Variants in MEF2C observed in about 807,000 individuals in gnomAD.
MEF2C encodes myocyte-specific enhancer factor 2C.
A neutral mutation model predicts 50.5 loss-of-function variants in MEF2C; 6 were observed. The observed-to-expected ratio is 0.12, with a 90% CI of 0.07 to 0.23. MEF2C has a LOEUF of 0.23. Ranked by LOEUF, MEF2C falls within the 10% of genes least tolerant of loss-of-function variation. The pLI is 1.00. For synonymous variants in MEF2C, 183 were observed against 228.0 expected, an observed-to-expected ratio of 0.80 and a Z score of 1.78; for missense variants, 276 against 605.0, an observed-to-expected ratio of 0.46 and a Z score of 5.70.
intron 1 of MEF2C, among the ~76,000 whole-genome samples, chr5:88,880,390 T>C (rs756360717): frequency 4.6e-5 from 7 of 152,268 alleles, no homozygotes; most frequent in Admixed American, 3.3e-4. Flanking sequence ...ATGTCTTTGT[T>C]GTTATGTAGC....
At chr5:88,892,473 C>T (rs2150243896) in intron 1 of MEF2C, among the ~76,000 whole-genome samples, 1 of 152,256 alleles carries the variant, frequency 6.6e-6, no homozygotes, top group South Asian at 2.1e-4. Flanking sequence ...AAAGAATTTC[C>T]ACTTCTATAC....
At chr5:88,820,910 T>C (rs962246584) in intron 2 of MEF2C, among the ~76,000 whole-genome samples, 9 of 151,972 alleles carry the variant, frequency 5.9e-5, no homozygotes, top group Non-Finnish European at 8.8e-5. Flanking sequence ...TGTAAGATGT[T>C]TGAAATTGTC....
At chr5:88,845,194 G>A (rs577168796) in intron 1 of MEF2C, among the ~76,000 whole-genome samples, 2 of 152,296 alleles carry the variant, frequency 1.3e-5, no homozygotes, top group South Asian at 2.1e-4. Context: ...ACGCTTAACT[G>A]CAACTGTCAT....
chr5:88,761,133 G>C, intron 4 of MEF2C, 52 bp downstream of exon 4: 1 of 1,613,952 alleles, frequency 6.2e-7, no homozygotes, highest in Non-Finnish European at 8.5e-7. Flanking sequence ...TGCCTGCCAG[G>C]TTCAGAGAAA....
At chr5:88,893,315 T>C (rs1481299611) in intron 1 of MEF2C, among the ~76,000 whole-genome samples, 3 of 123,570 alleles carry the variant, frequency 2.4e-5, no homozygotes, top group Non-Finnish European at 5.5e-5. Context: ...TTTTTCTTTC[T>C]TTTCTTTTTT....
intron 3 of MEF2C, among the ~76,000 whole-genome samples, chr5:88,785,906 G>A (rs1790630246): frequency 6.6e-6 from 1 of 152,070 alleles, no homozygotes; most frequent in Non-Finnish European, 1.5e-5. Flanking sequence ...GAGAGAGTCG[G>A]GCCTGTGGTT....
chr5:88,857,898 A>C (rs1219164816), intron 1 of MEF2C, among the ~76,000 whole-genome samples: 1 of 152,210 alleles, frequency 6.6e-6, no homozygotes, highest in Non-Finnish European at 1.5e-5. Flanking sequence ...ATTTCCTGTA[A>C]AGTAGCTGAA....
intron 1 of MEF2C, among the ~76,000 whole-genome samples, chr5:88,895,685 G>A (rs1379166705): frequency 6.6e-6 from 1 of 152,006 alleles, no homozygotes; most frequent in East Asian, 1.9e-4. Flanking sequence ...TTTCACTTTG[G>A]CATGCTCCAC....
chr5:88,890,148 T>C (rs1834386143), intron 1 of MEF2C, among the ~76,000 whole-genome samples: 1 of 152,214 alleles, frequency 6.6e-6, no homozygotes, highest in South Asian at 2.1e-4. Flanking sequence ...AAAAGCCAAC[T>C]CATAGCTCTA....
intron 6 of MEF2C, among the ~76,000 whole-genome samples, chr5:88,747,049 G>T (rs909153234): frequency 6.6e-6 from 1 of 152,118 alleles, no homozygotes; most frequent in African/African-American, 2.4e-5. Context: ...TGAGGTAAGA[G>T]GATGAATTTG....
intron 2 of MEF2C, among the ~76,000 whole-genome samples, chr5:88,816,492 A>ATTTTTTT (rs1805458344): frequency 1.1e-5 from 1 of 91,120 alleles, no homozygotes; most frequent in Non-Finnish European, 2.2e-5. Context: ...TTTTTTTTTA[A>ATTTTTTT]TTTGGAAACT....
intron 3 of MEF2C, among the ~76,000 whole-genome samples, chr5:88,798,307 C>A (rs933372358): frequency 6.6e-6 from 1 of 152,024 alleles, no homozygotes; most frequent in Non-Finnish European, 1.5e-5. Flanking sequence ...TCCACATAGC[C>A]CCATATTTCT....
At chr5:88,851,156 C>A (rs1426589342) in intron 1 of MEF2C, among the ~76,000 whole-genome samples, 1 of 147,840 alleles carries the variant, frequency 6.8e-6, no homozygotes, top group African/African-American at 2.6e-5. Flanking sequence ...TCACTTGAAC[C>A]CGGGAGGTGG....
chr5:88,871,143 A>C (rs1196160808), intron 1 of MEF2C, among the ~76,000 whole-genome samples: 1 of 152,000 alleles, frequency 6.6e-6, no homozygotes, highest in Non-Finnish European at 1.5e-5. Flanking sequence ...TTACAATGCA[A>C]ATTTTAAACT....
At chr5:88,771,109 A>T (rs960885627) in intron 3 of MEF2C, among the ~76,000 whole-genome samples, 4 of 152,212 alleles carry the variant, frequency 2.6e-5, no homozygotes, top group African/African-American at 9.7e-5. Context: ...AGACTTATTC[A>T]CTATCATGAG....
At chr5:88,894,237 C>G (rs780153292) in intron 1 of MEF2C, among the ~76,000 whole-genome samples, 4 of 152,152 alleles carry the variant, frequency 2.6e-5, no homozygotes, top group Non-Finnish European at 4.4e-5. Flanking sequence ...ATGACCTGCC[C>G]AGGGCCACAT....
At chr5:88,901,850 C>G (rs1269600770) in intron 1 of MEF2C, among the ~76,000 whole-genome samples, 2 of 151,848 alleles carry the variant, frequency 1.3e-5, no homozygotes, top group Non-Finnish European at 2.9e-5. Context: ...ACAATTCAGG[C>G]ACAGCTAAAA....
In MEF2C at chr5:88,814,080, T is replaced by C. The variant is rs1321624844; in HGVS notation, c.55-9279A>G. Among the ~76,000 whole-genome samples the C allele has an allele frequency of 2.0e-5, 3 of 152,090 alleles. No individual in the cohort carries two copies. In the South Asian group the frequency reaches 6.2e-4, roughly 31 times the overall value. ...TCCAGGAGCCACAGGTCTTCCTATG[T>C]GTTTAAAGGGTTAGGGCTGGAGTCA... On this transcript the variant is annotated intron_variant, in intron 2 of 10. Coordinates refer to ENST00000504921, the MANE Select transcript of MEF2C (RefSeq NM_002397.5).
intron 10 of MEF2C, among the ~76,000 whole-genome samples, chr5:88,723,811 A>T (rs1757365705): frequency 6.6e-6 from 1 of 152,238 alleles, no homozygotes; most frequent in East Asian, 1.9e-4. Context: ...GCCAAGAAGG[A>T]TGTAGTGTGA....
Sources: allele counts gnomAD v4.1 joint callset (sites outside exome capture counted in the v4.1 genomes callset), GRCh38; gene constraint gnomAD v4.1.1; transcripts MANE v1.5; gene names NCBI Gene and HGNC (gene_info 2026-07-23, HGNC 2026-07-21).